The following SCCPDH variants were observed in gnomAD, a reference collection of about 807,000 sequenced individuals.
The protein encoded by SCCPDH is saccharopine dehydrogenase (putative), also known as saccharopine dehydrogenase-like oxidoreductase.
Under a neutral mutation model 51.5 loss-of-function variants are expected in SCCPDH, and 34 were observed. That is an observed-to-expected ratio of 0.66 (90% CI 0.50 to 0.88). SCCPDH has a LOEUF of 0.88. Among genes scored for constraint, SCCPDH ranks in the 40% least tolerant of loss-of-function variants. The pLI is 0.00. For synonymous variants in SCCPDH, 187 were observed against 191.3 expected (o/e 0.98, Z 0.19); for missense variants, 464 against 527.1 (o/e 0.88, Z 1.17).
At chr1:246,734,715 G>A (rs561042055) in intron 2 of SCCPDH, among the ~76,000 whole-genome samples, 74 of 151,864 alleles carry the variant, frequency 4.9e-4, no homozygotes, top group Admixed American at 9.2e-4. Flanking sequence ...CTGGAAGAAA[G>A]AAACGATTTC....
At position 246,759,118 on chromosome 1, in the gene SCCPDH, A is replaced by G. The variant is rs199659365; in HGVS notation, c.780A>G (p.Gln260=). The change falls in exon 7 of 12, where the codon CAA becomes CAG. Residue 260 remains glutamine, a synonymous_variant. Coordinates refer to ENST00000366510, the MANE Select transcript of SCCPDH (RefSeq NM_016002.3). ...GSDVSVVRRT[Q]RYLYENLEES... The stretch of plus-strand genomic sequence containing the variant: ...ATGTGTCTGTTGTAAGGAGGACTCA[A>G]CGTTACTTGTATGAAAATTTAGAGG... 1.8e-5 allele frequency: 29 copies of G among 1,599,470 alleles called. No homozygotes were observed. The highest frequency in any genetic ancestry group is 6.7e-5 in the African/African-American group (5 of 74,636).
In SCCPDH at chr1:246,759,051, G is replaced by T. The variant is rs749807744; in HGVS notation, c.713G>T (p.Cys238Phe). The T allele has an allele frequency of 6.9e-6, 11 of 1,604,824 alleles. No homozygotes were observed. The Admixed American group carries it at 1.8e-4, about 27-fold the overall frequency. ...TCTTGCAGGTGGCCAATTTCTTATT[G>T]TCGGGAACTCAAAGGTTATTCCATT... ...KLKRRWPISY[C>F]RELKGYSIPF... Residue 238 changes from cysteine to phenylalanine, a missense_variant, in exon 7 of 12, where the codon TGT becomes TTT. Transcript: ENST00000366510.
chr1:246,756,276 T>C (rs12136007), intron 5 of SCCPDH, among the ~76,000 whole-genome samples: 6,727 of 152,218 alleles, frequency 0.044, 174 homozygotes, highest in African/African-American at 0.052. Flanking sequence ...CAAAACTAAT[T>C]GTACTGTTTA....
At chr1:246,736,871 A>G (rs1384203379) in intron 3 of SCCPDH, among the ~76,000 whole-genome samples, 6 of 152,224 alleles carry the variant, frequency 3.9e-5, no homozygotes, top group Admixed American at 1.3e-4. Context: ...TTAAAAATAT[A>G]CCTATAGGGT....
chr1:246,725,336 T>G (rs1668379749), intron 1 of SCCPDH, among the ~76,000 whole-genome samples: 1 of 152,124 alleles, frequency 6.6e-6, no homozygotes, highest in Non-Finnish European at 1.5e-5. Flanking sequence ...GGAGCATATA[T>G]TTATTGAGTG....
At chr1:246,756,234 T>C (rs945519191) in intron 5 of SCCPDH, among the ~76,000 whole-genome samples, 2 of 152,236 alleles carry the variant, frequency 1.3e-5, no homozygotes, top group Admixed American at 6.5e-5. Context: ...TAAATCTTGC[T>C]TGATTGCATT....
rs781555453 is a variant in SCCPDH at position 246,758,266 on chromosome 1, A to T, written c.605A>T (p.Tyr202Phe). The change falls in exon 6 of 12, where the codon TAT becomes TTT. Residue 202 changes from tyrosine (Y) to phenylalanine (F), a missense_variant. Coordinates refer to ENST00000366510, the MANE Select transcript of SCCPDH (RefSeq NM_016002.3). ...IHDGTWKSAI[Y>F]GFGDQSNLRK... ...GATGGTACCTGGAAGTCAGCAATTT[A>T]TGGTTTTGGAGATCAGAGTAATTTG... 5 of 1,609,718 alleles carry T rather than the reference A, an allele frequency of 3.1e-6. No homozygotes were observed. Among genetic ancestry groups the T allele is most frequent in the Non-Finnish European group, 4.2e-6 (5 of 1,177,778 alleles).
In SCCPDH at chr1:246,766,077, C is replaced by T. The variant is rs1219685725; in HGVS notation, c.1122C>T (p.Thr374=). ...CTGCAGAGGCTGGCTATGTGGCTAC[C>T]CCCATAGCTATGGTTCAGGCAGCCA... is the stretch of plus-strand genomic sequence containing the variant. ...VKGPEAGYVA[T]PIAMVQAAMT... The change falls in exon 11 of 12, where the codon ACC becomes ACT. Residue 374 remains threonine (T), a synonymous_variant. Coordinates refer to ENST00000366510, the MANE Select transcript of SCCPDH (RefSeq NM_016002.3). 2 of 1,612,846 alleles carry T rather than the reference C, an allele frequency of 1.2e-6. No individual in the cohort carries two copies. Among genetic ancestry groups the T allele is most frequent in the Non-Finnish European group, 8.5e-7 (1 of 1,179,312 alleles).
Position 246,727,007 on chromosome 1 carries a change from A to G in SCCPDH, c.303+3A>G. 6.3e-7 allele frequency: 1 copy of G among 1,576,582 alleles called. No individual in the cohort carries two copies. The highest frequency in any genetic ancestry group is 1.1e-5 in the South Asian group (1 of 90,352). On this transcript the variant is annotated splice_donor_region_variant and intron_variant, in intron 2 of 11. Coordinates refer to ENST00000366510, the MANE Select transcript of SCCPDH (RefSeq NM_016002.3). ...TTGTCCTCAATTGCGTAGGACCAGT[A>G]AGTAATCAACCCTTCTTTGTATCAG...
intron 2 of SCCPDH, among the ~76,000 whole-genome samples, chr1:246,728,813 C>G (rs188615121): frequency 1.1e-4 from 17 of 152,282 alleles, no homozygotes; most frequent in African/African-American, 4.1e-4. Context: ...TGCCATATCT[C>G]TTGTTACAAG....
intron 2 of SCCPDH, among the ~76,000 whole-genome samples, chr1:246,735,400 A>G (rs931706210): frequency 3.9e-5 from 6 of 152,152 alleles, no homozygotes; most frequent in Admixed American, 2.6e-4. Context: ...TTAGGGTTCA[A>G]CTCAAGGGAA....
chr1:246,728,098 TG>T (rs1668430600), intron 2 of SCCPDH, among the ~76,000 whole-genome samples: 1 of 152,182 alleles, frequency 6.6e-6, no homozygotes, highest in Non-Finnish European at 1.5e-5. Context: ...CGGCTTTTGC[TG>T]TTGTACTGTG....
intron 11 of SCCPDH, among the ~76,000 whole-genome samples, chr1:246,766,947 A>G (rs1019301005): frequency 2.6e-5 from 4 of 152,168 alleles, no homozygotes; most frequent in Non-Finnish European, 4.4e-5. Context: ...CACCAAACAC[A>G]TGCATAGAAT....
chr1:246,754,837 T>C (rs1167050547), intron 5 of SCCPDH, among the ~76,000 whole-genome samples: 1 of 152,252 alleles, frequency 6.6e-6, no homozygotes, highest in Admixed American at 6.5e-5. Flanking sequence ...TCTTTCTCTT[T>C]TTTTTGGTCT....
In SCCPDH at chr1:246,735,874, T is replaced by C. The variant is rs772783227; in HGVS notation, c.304-101T>C. 161 of 743,670 alleles carry C rather than the reference T, an allele frequency of 2.2e-4. 1 individual carries two copies. In the Middle Eastern group the frequency reaches 2.2e-3, roughly 10 times the overall value. 46.1% of individuals were successfully genotyped at this position (743,670 alleles called of 1,614,324 possible). A position where few individuals can be genotyped will look rare whatever the true frequency, so the allele number is the denominator to read the frequency against. On this transcript the variant is annotated intron_variant, in intron 2 of 11. Transcript: ENST00000366510. ...TTAGGCTATTTTATTAACAGTTGATTTCTTGATAACTAGGACTGTTTACTT... is the reference window on the plus strand; with the variant it reads ...TTAGGCTATTTTATTAACAGTTGATCTCTTGATAACTAGGACTGTTTACTT...
intron 2 of SCCPDH, among the ~76,000 whole-genome samples, chr1:246,729,633 T>G (rs1051401942): frequency 1.7e-4 from 26 of 149,740 alleles, no homozygotes; most frequent in Non-Finnish European, 1.0e-4. Flanking sequence ...GACACATGTT[T>G]TACAGTTTGT....
At chr1:246,724,651 G>T in intron 1 of SCCPDH, 39 bp downstream of exon 1, 2 of 1,422,738 alleles carry the variant, frequency 1.4e-6, no homozygotes, top group Non-Finnish European at 1.8e-6. Flanking sequence ...GCGGGCGGCT[G>T]GGCCGGGGAC....
chr1:246,726,784 A>G (rs1407382723), intron 1 of SCCPDH, 108 bp from the exon 2 acceptor site: 6 of 724,020 alleles, frequency 8.3e-6, no homozygotes, highest in African/African-American at 3.5e-5. Flanking sequence ...AGCTTTCAGC[A>G]TATCAGTGTA....
chr1:246,760,047 T>G lies in SCCPDH; in HGVS notation c.904T>G (p.Phe302Val), dbSNP rs1351336870. 1.2e-6 allele frequency: 2 copies of G among 1,613,116 alleles called. No homozygotes were observed. The highest frequency in any genetic ancestry group is 2.7e-5 in the African/African-American group (2 of 74,920). Residue 302 changes from phenylalanine to valine, a missense_variant, in exon 8 of 12, where the codon TTT becomes GTT. By Grantham distance (50) the Phe-to-Val change is conservative. Coordinates refer to ENST00000366510, the MANE Select transcript of SCCPDH (RefSeq NM_016002.3). ...ACTTTTCTTTTTGTTCTTTGTGAGG[T>G]TTGGAATTGGAAGGCAACTTCTCAT... ...AGLFFLFFVRFGIGRQLLIKF... is the reference protein window; with the variant it reads ...AGLFFLFFVRVGIGRQLLIKF...
Sources: gnomAD v4.1 joint callset for allele counts (sites outside exome capture counted in the v4.1 genomes callset) on GRCh38, gnomAD v4.1.1 for gene constraint, MANE v1.5 for transcripts, NCBI Gene and HGNC (gene_info 2026-07-23, HGNC 2026-07-21) for gene names.